Variants in RPL17 observed in about 807,000 individuals in gnomAD.
RPL17 encodes ribosomal protein L17.
RPL17 carries 2 observed loss-of-function variants against 27.7 expected under a neutral mutation model. The observed-to-expected ratio is 0.07, with a 90% CI of 0.03 to 0.23. The LOEUF is 0.23. Ranked by LOEUF, RPL17 falls within the 10% of genes least tolerant of loss-of-function variation. The pLI is 1.00. For synonymous variants in RPL17, 76 were observed against 75.5 expected (o/e 1.01, Z -0.03); for missense variants, 141 against 238.8 (o/e 0.59, Z 2.70).
chr18:49,490,038 C>A (rs1346050936), intron 5 of RPL17, among the ~76,000 whole-genome samples: 2 of 152,170 alleles, frequency 1.3e-5, no homozygotes, highest in Admixed American at 1.3e-4. Flanking sequence ...TAAACAATTT[C>A]TTTCTGAAAT....
chr18:49,490,600 C>A, intron 4 of RPL17, 48 bp from the exon 5 acceptor site: 2 of 1,610,988 alleles, frequency 1.2e-6, no homozygotes, highest in Non-Finnish European at 1.7e-6. Context: ...TTTAAATTAA[C>A]ATTACAGCCA....
intron 4 of RPL17, 61 bp downstream of exon 4, chr18:49,490,732 T>C: frequency 1.2e-6 from 2 of 1,611,566 alleles, no homozygotes; most frequent in East Asian, 2.2e-5. Context: ...GCCATTCTTA[T>C]CCTATCCCAT....
rs1210491781 is a variant in RPL17 at position 49,488,661 on chromosome 18, A to AAGTT, written c.508-96_508-95insAACT. 6 of 749,762 alleles carry AAGTT rather than the reference A, an allele frequency of 8.0e-6. No individual in the cohort carries two copies. In the Admixed American group the frequency reaches 8.7e-5, roughly 11 times the overall value. 46.4% of individuals were successfully genotyped at this position (749,762 alleles called of 1,614,324 possible). On this transcript the variant is annotated intron_variant, in intron 6 of 6. Coordinates refer to ENST00000580261, the MANE Select transcript of RPL17 (RefSeq NM_001035006.5). ...TCTGGAGGCAGGAAACCTAGTCGTTAAGGACTAAGGGGGAAAAATACTTAA... is the reference window on the plus strand; with the variant it reads ...TCTGGAGGCAGGAAACCTAGTCGTTAAGTTAGGACTAAGGGGGAAAAATACTTAA...
At chr18:49,492,052 A>C in intron 1 of RPL17, 1 of 268,216 alleles carries the variant, frequency 3.7e-6, no homozygotes, top group East Asian at 8.6e-5. Context: ...TGTACGCAAC[A>C]CTCTTGTAGT....
Position 49,491,602 on chromosome 18 carries a change from G to A in RPL17, c.-13-18C>T, listed in dbSNP as rs764379185. Reference sequence around the variant, plus strand: ...CAGATCACCTAGAGGAAAGTACAGTGTAATTCTGTCAATACGTACTTACAG... The same window carrying A: ...CAGATCACCTAGAGGAAAGTACAGTATAATTCTGTCAATACGTACTTACAG... On this transcript the variant is annotated intron_variant, in intron 1 of 6. Transcript: ENST00000580261. 1 of 1,613,980 alleles carries A rather than the reference G, an allele frequency of 6.2e-7. No individual in the cohort carries two copies. Among genetic ancestry groups the A allele is most frequent in the Non-Finnish European group, 8.5e-7 (1 of 1,179,878 alleles).
At chr18:49,491,805 C>T (rs1043895702) in intron 1 of RPL17, 21 of 748,740 alleles carry the variant, frequency 2.8e-5, no homozygotes. Flanking sequence ...ACAGAAGTAG[C>T]CACACGGGCC....
At position 49,490,658 on chromosome 18, in the gene RPL17, A is replaced by G. The variant is rs1004788738; in HGVS notation, c.217-106T>C. ...GGTTTCTTAGGATATGGTTTATTTC[A>G]CCATCAATCCAAGGTGTCCTGTCAT... is the stretch of plus-strand genomic sequence containing the variant. On this transcript the variant is annotated intron_variant, in intron 4 of 6. Transcript: ENST00000580261. 2.3e-5 allele frequency: 37 copies of G among 1,588,142 alleles called. No homozygotes were observed. The African/African-American group carries it at 4.2e-4, about 18-fold the overall frequency.
intron 5 of RPL17, 137 bp from the exon 6 acceptor site, chr18:49,489,687 CT>C: frequency 1.1e-6 from 1 of 907,570 alleles, no homozygotes; most frequent in Non-Finnish European, 1.6e-6. Flanking sequence ...AAAGGCAATC[CT>C]TTTATTCTGC....
At chr18:49,491,702 G>A (rs201417303) in intron 1 of RPL17, 118 bp from the exon 2 acceptor site, 3 of 1,307,896 alleles carry the variant, frequency 2.3e-6, no homozygotes, top group Admixed American at 3.4e-5. Flanking sequence ...TTAATCCAAA[G>A]GTGTCCTAAG....
intron 3 of RPL17, 182 bp downstream of exon 3, chr18:49,491,220 ACTT>A: frequency 1.9e-6 from 2 of 1,036,104 alleles, no homozygotes; most frequent in East Asian, 2.4e-5. Context: ...TTCTGGTACT[ACTT>A]CTCAATTTCA....
In RPL17 at chr18:49,491,145, C is replaced by A. The variant is rs1338237751; in HGVS notation, c.82-218G>T. On this transcript the variant is annotated intron_variant, in intron 3 of 6. Coordinates refer to ENST00000580261, the MANE Select transcript of RPL17 (RefSeq NM_001035006.5). ...TTATTCACTATAAAACGTTTAAATTCCATCATCATGTAATTACAATTAAAA... is the reference window on the plus strand; with the variant it reads ...TTATTCACTATAAAACGTTTAAATTACATCATCATGTAATTACAATTAAAA... 6 of 896,958 alleles carry A rather than the reference C, an allele frequency of 6.7e-6. No homozygotes were observed. The Admixed American group carries it at 1.3e-4, about 20-fold the overall frequency. The allele number at this position is 896,958 out of a possible 1,614,324, so 55.6% of individuals were successfully genotyped here. A position where few individuals can be genotyped will look rare whatever the true frequency, so the allele number is the denominator to read the frequency against.
chr18:49,490,422 C>A, intron 5 of RPL17, 32 bp downstream of exon 5: 2 of 1,606,566 alleles, frequency 1.2e-6, no homozygotes. Context: ...AACAACCACC[C>A]AAGTTGCACA....
intron 3 of RPL17, 142 bp from the exon 4 acceptor site, chr18:49,491,069 C>A (rs539564330): frequency 7.3e-7 from 1 of 1,365,894 alleles, no homozygotes; most frequent in South Asian, 1.3e-5. Flanking sequence ...AAACTTGTGA[C>A]TAAAAGCCAG....
At chr18:49,488,940 C>T (rs576417601) in intron 6 of RPL17, among the ~76,000 whole-genome samples, 29 of 151,940 alleles carry the variant, frequency 1.9e-4, no homozygotes, top group Admixed American at 9.8e-4. Context: ...GCTCTGTCAC[C>T]CAGGCTGGAG....
chr18:49,490,905 G>A lies in RPL17; in HGVS notation c.104C>T (p.Ala35Val), dbSNP rs750481812. 3 of 1,613,860 alleles carry A rather than the reference G, an allele frequency of 1.9e-6. No homozygotes were observed. In the East Asian group the frequency reaches 6.7e-5, roughly 36 times the overall value. The change falls in exon 4 of 7, where the codon GCC becomes GTC. Residue 35 changes from alanine (A) to valine (V), a missense_variant. By Grantham distance (64) the Ala-to-Val change is moderately conservative. Coordinates refer to ENST00000580261, the MANE Select transcript of RPL17 (RefSeq NM_001035006.5). ...TTTTCGTATATGCATACCCTTGATG[G>A]CCTGAGCAGTTTCACGAGTGTTCTA... ...HFKNTRETAQ[A>V]IKGMHIRKAT...
chr18:49,491,953 T>C (rs946802951), intron 1 of RPL17: 1 of 379,874 alleles, frequency 2.6e-6, no homozygotes, highest in African/African-American at 2.1e-5. Flanking sequence ...CCTCCCGCTC[T>C]ACAGAAACCC....
At chr18:49,491,767 A>G in intron 1 of RPL17, 183 bp from the exon 2 acceptor site, 2 of 822,774 alleles carry the variant, frequency 2.4e-6, no homozygotes, top group Non-Finnish European at 4.3e-6. Context: ...TTTCCCTTTT[A>G]TCTTCCAGTA....
rs753295118 is a variant in RPL17, at chr18:49,490,443, G to A, written c.315+11C>T. 1.2e-6 allele frequency: 2 copies of A among 1,613,748 alleles called. No homozygotes were observed. Among genetic ancestry groups the A allele is most frequent in the South Asian group, 2.2e-5 (2 of 91,052 alleles). On this transcript the variant is annotated intron_variant, in intron 5 of 6. Coordinates refer to ENST00000580261, the MANE Select transcript of RPL17 (RefSeq NM_001035006.5). ...CACCCAAGTTGCACAGGATGTTAGT[G>A]GTTTGGGTACCTTAAGTTCAGCATT...
chr18:49,489,560 A>G lies in RPL17; in HGVS notation c.316-10T>C, dbSNP rs780649736. On this transcript the variant is annotated splice_polypyrimidine_tract_variant and intron_variant, in intron 5 of 6. Coordinates refer to ENST00000580261, the MANE Select transcript of RPL17 (RefSeq NM_001035006.5). ...AATCTACATCTAAACCCTGGGGAAG[A>G]AAGGAAGGAGAATGAAACCAGGAAC... 5 of 1,599,252 alleles carry G rather than the reference A, an allele frequency of 3.1e-6. No homozygotes were observed. Among genetic ancestry groups the G allele is most frequent in the African/African-American group, 2.7e-5 (2 of 74,922 alleles).
Sources: allele counts gnomAD v4.1 joint callset (sites outside exome capture counted in the v4.1 genomes callset), GRCh38; gene constraint gnomAD v4.1.1; transcripts MANE v1.5; gene names NCBI Gene and HGNC (gene_info 2026-07-23, HGNC 2026-07-21).